The following MACROD2 variants were observed in gnomAD, a reference collection of about 807,000 sequenced individuals.
MACROD2 encodes the protein mono-ADP ribosylhydrolase 2.
MACROD2 carries 36 observed loss-of-function variants against 70.4 expected under a neutral mutation model. That is an observed-to-expected ratio of 0.51 (90% CI 0.39 to 0.68). The LOEUF is 0.68. Among genes scored for constraint, MACROD2 ranks in the 30% least tolerant of loss-of-function variants. The pLI is 0.00. For missense variants in MACROD2, 496 were observed against 538.4 expected (o/e 0.92, Z 0.78); for synonymous variants, 172 against 178.8 (o/e 0.96, Z 0.30).
chr20:15,493,186 T>G (rs531940863), intron 7 of MACROD2, among the ~76,000 whole-genome samples: 1 of 152,296 alleles, frequency 6.6e-6, no homozygotes, highest in South Asian at 2.1e-4. Context: ...GAGCGCTGCC[T>G]TCTTACAAAC....
intron 5 of MACROD2, among the ~76,000 whole-genome samples, chr20:14,766,867 C>G (rs2072097234): frequency 6.6e-6 from 1 of 152,120 alleles, no homozygotes; most frequent in African/African-American, 2.4e-5. Context: ...ATTTTCAGCT[C>G]TATTCCAAGT....
At chr20:15,885,581 G>A (rs1438146467) in intron 9 of MACROD2, among the ~76,000 whole-genome samples, 183 bp from the exon 10 acceptor site, 2 of 152,252 alleles carry the variant, frequency 1.3e-5, no homozygotes, top group East Asian at 1.9e-4. Flanking sequence ...GTGCATTAAT[G>A]TGTATACTTT....
intron 5 of MACROD2, among the ~76,000 whole-genome samples, chr20:14,809,009 G>C (rs2072674778): frequency 6.6e-6 from 1 of 151,998 alleles, no homozygotes. Flanking sequence ...ACACCCCACT[G>C]TCAATATTAG....
At chr20:14,790,563 G>A (rs1051821267) in intron 5 of MACROD2, among the ~76,000 whole-genome samples, 2 of 152,080 alleles carry the variant, frequency 1.3e-5, no homozygotes. Flanking sequence ...TTGTGCTGAG[G>A]CTTTTCAGGG....
At chr20:15,177,470 T>C (rs1221138203) in intron 5 of MACROD2, among the ~76,000 whole-genome samples, 1 of 152,240 alleles carries the variant, frequency 6.6e-6, no homozygotes, top group Non-Finnish European at 1.5e-5. Flanking sequence ...ACTCTGCCAT[T>C]CTGTGTTCAC....
At chr20:15,176,685 C>T (rs1208348096) in intron 5 of MACROD2, among the ~76,000 whole-genome samples, 1 of 152,166 alleles carries the variant, frequency 6.6e-6, no homozygotes, top group Non-Finnish European at 1.5e-5. Flanking sequence ...CTATCTCATT[C>T]TTCCTGGATG....
At chr20:15,522,873 TG>T (rs2047671551) in intron 8 of MACROD2, among the ~76,000 whole-genome samples, 1 of 152,204 alleles carries the variant, frequency 6.6e-6, no homozygotes, top group South Asian at 2.1e-4. Flanking sequence ...GAGAGTTTTA[TG>T]AAACTTTTTA....
chr20:15,153,940 T>A (rs1261110664), intron 5 of MACROD2, among the ~76,000 whole-genome samples: 2 of 152,222 alleles, frequency 1.3e-5, no homozygotes, highest in Non-Finnish European at 2.9e-5. Flanking sequence ...GTCCTCTTAC[T>A]GTGAACAACA....
At chr20:14,997,739 T>C (rs2122888059) in intron 5 of MACROD2, among the ~76,000 whole-genome samples, 1 of 152,166 alleles carries the variant, frequency 6.6e-6, no homozygotes, top group Middle Eastern at 3.4e-3. Flanking sequence ...AAGGAGCCCT[T>C]GGGCCTTGAA....
At chr20:14,999,890 T>C (rs2074979508) in intron 5 of MACROD2, among the ~76,000 whole-genome samples, 2 of 152,186 alleles carry the variant, frequency 1.3e-5, no homozygotes, top group Admixed American at 1.3e-4. Flanking sequence ...GTTTCAAAAG[T>C]ATAATCTTGA....
chr20:15,298,876 A>G (rs1223504050), intron 6 of MACROD2, among the ~76,000 whole-genome samples: 1 of 152,052 alleles, frequency 6.6e-6, no homozygotes, highest in Non-Finnish European at 1.5e-5. Flanking sequence ...TATTATCCTC[A>G]TTTTACTGAC....
At chr20:14,392,257 T>C (rs2122806273) in intron 3 of MACROD2, among the ~76,000 whole-genome samples, 1 of 152,236 alleles carries the variant, frequency 6.6e-6, no homozygotes, top group Non-Finnish European at 1.5e-5. Context: ...GTTCCTTTTG[T>C]CCTCCCTCCC....
chr20:15,313,109 G>A (rs2077770947), intron 6 of MACROD2, among the ~76,000 whole-genome samples: 1 of 151,958 alleles, frequency 6.6e-6, no homozygotes, highest in Admixed American at 6.6e-5. Flanking sequence ...TTTGTAATCT[G>A]CTTTTATCAT....
intron 5 of MACROD2, among the ~76,000 whole-genome samples, chr20:14,918,614 TTTG>T (rs1342717663): frequency 1.2e-4 from 18 of 146,930 alleles, no homozygotes; most frequent in African/African-American, 4.6e-4. Context: ...CTGTGTTTTT[TTTG>T]TTTTTTTTTT....
At chr20:15,405,133 G>T (rs910843793) in intron 6 of MACROD2, among the ~76,000 whole-genome samples, 2 of 152,082 alleles carry the variant, frequency 1.3e-5, no homozygotes, top group East Asian at 1.9e-4. Context: ...ATAAGGGCAG[G>T]GGGTAATGAG....
intron 3 of MACROD2, among the ~76,000 whole-genome samples, chr20:14,164,309 G>T (rs1238406861): frequency 6.6e-6 from 1 of 152,142 alleles, no homozygotes; most frequent in Non-Finnish European, 1.5e-5. Flanking sequence ...GATGCCAGGT[G>T]GGCCAGTTTT....
At chr20:15,262,084 G>A (rs765064702) in intron 6 of MACROD2, among the ~76,000 whole-genome samples, 8 of 151,720 alleles carry the variant, frequency 5.3e-5, no homozygotes, top group East Asian at 1.9e-4. Flanking sequence ...ATTTAAAAAT[G>A]TATAATAAAT....
chr20:15,809,920 T>G (rs2063803130), intron 8 of MACROD2, among the ~76,000 whole-genome samples: 1 of 151,192 alleles, frequency 6.6e-6, no homozygotes, highest in Non-Finnish European at 1.5e-5. Flanking sequence ...ACGTGCAGGT[T>G]TGTTACATAT....
intron 5 of MACROD2, among the ~76,000 whole-genome samples, chr20:15,037,078 G>A (rs1182061993): frequency 6.6e-6 from 1 of 152,076 alleles, no homozygotes; most frequent in Non-Finnish European, 1.5e-5. Flanking sequence ...TAGCTTATCT[G>A]TGGTTTGAGT....
Sources: allele counts gnomAD v4.1 joint callset (sites outside exome capture counted in the v4.1 genomes callset), GRCh38; gene constraint gnomAD v4.1.1; transcripts MANE v1.5; gene names NCBI Gene and HGNC (gene_info 2026-07-23, HGNC 2026-07-21).